Variants in EPHA4 observed in about 807,000 individuals in gnomAD.
The protein encoded by EPHA4 is ephrin type-A receptor 4.
EPHA4 carries 19 observed loss-of-function variants against 108.3 expected under a neutral mutation model. That is an observed-to-expected ratio of 0.18 (90% confidence interval 0.12 to 0.26). EPHA4 has a LOEUF of 0.26. Ranked by LOEUF, EPHA4 falls within the 10% of genes least tolerant of loss-of-function variation. The pLI, the probability that EPHA4 is intolerant of heterozygous loss-of-function variation, is 1.00. For synonymous variants in EPHA4, 449 were observed against 455.5 expected, an observed-to-expected ratio of 0.99 and a Z score of 0.18; for missense variants, 917 against 1,254.0, an observed-to-expected ratio of 0.73 and a Z score of 4.06.
chr2:221,447,815 G>T (rs991021477), intron 8 of EPHA4, among the ~76,000 whole-genome samples: 4 of 92,450 alleles, frequency 4.3e-5, no homozygotes, highest in Non-Finnish European at 9.0e-5. Context: ...TTTTCAAAGG[G>T]TCTATTTTTA....
At chr2:221,549,746 G>C (rs946572011) in intron 3 of EPHA4, among the ~76,000 whole-genome samples, 1 of 152,190 alleles carries the variant, frequency 6.6e-6, no homozygotes, top group Non-Finnish European at 1.5e-5. Context: ...CAGCACTTTG[G>C]GGGGCCCAGG....
rs1170799501 is a variant in EPHA4 at position 221,446,241 on chromosome 2, T to G, written c.1716-60A>C. The G allele has an allele frequency of 1.9e-5, 20 of 1,055,280 alleles. No individual in the cohort carries two copies. The East Asian group carries it at 5.6e-4, about 30-fold the overall frequency. The allele number at this position is 1,055,280 out of a possible 1,614,324, so 65.4% of individuals were successfully genotyped here. A position where few individuals can be genotyped will look rare whatever the true frequency, so the allele number is the denominator to read the frequency against. On this transcript the variant is annotated intron_variant, in intron 8 of 17. Transcript: ENST00000281821. ...CCTCAAACACCTAAGCTTTAACACATGCCATAAGACAAATTCTTTGCTACT... is the reference window on the plus strand; with the variant it reads ...CCTCAAACACCTAAGCTTTAACACAGGCCATAAGACAAATTCTTTGCTACT...
chr2:221,539,330 A>G (rs932101847), intron 3 of EPHA4, among the ~76,000 whole-genome samples: 5 of 152,236 alleles, frequency 3.3e-5, no homozygotes, highest in Admixed American at 3.3e-4. Flanking sequence ...AATAGCTAAT[A>G]AATGGCAGAA....
chr2:221,499,098 A>G (rs918694164), intron 4 of EPHA4, among the ~76,000 whole-genome samples: 2 of 151,348 alleles, frequency 1.3e-5, no homozygotes, highest in South Asian at 2.1e-4. Flanking sequence ...CCTTTTTAAC[A>G]GTTACATCTG....
At chr2:221,547,951 G>A (rs531502754) in intron 3 of EPHA4, among the ~76,000 whole-genome samples, 59 of 152,254 alleles carry the variant, frequency 3.9e-4, no homozygotes, top group African/African-American at 1.3e-3. Context: ...TTTGTGAAAC[G>A]TTAATAATTT....
chr2:221,528,915 T>C (rs4613266), intron 3 of EPHA4, among the ~76,000 whole-genome samples: 85,639 of 152,010 alleles, frequency 0.56, 24,825 homozygotes, highest in African/African-American at 0.7. Context: ...CACAACCAGA[T>C]AAAGATCAAA....
chr2:221,430,116 G>T lies in EPHA4; in HGVS notation c.2532C>A (p.Pro844=), dbSNP rs138589793. 6 of 1,611,334 alleles carry T rather than the reference G, an allele frequency of 3.7e-6. No individual in the cohort carries two copies. Among genetic ancestry groups the T allele is most frequent in the Non-Finnish European group, 5.1e-6 (6 of 1,179,172 alleles). Residue 844 remains proline (P), a synonymous_variant, in exon 15 of 18, where the codon CCC becomes CCA. Transcript: ENST00000281821. ...IKAIEEGYRL[P]PPMDCPIALH... ...GCGCAATGGGGCAGTCCATTGGAGG[G>T]GGTAACCGATAGCCTTCCTCAATGG...
intron 3 of EPHA4, among the ~76,000 whole-genome samples, chr2:221,503,379 A>T (rs1204312938): frequency 6.6e-6 from 1 of 152,142 alleles, no homozygotes; most frequent in Admixed American, 6.6e-5. Flanking sequence ...GGCATATTTG[A>T]AAAGCTATTC....
chr2:221,541,047 G>A (rs1693826053), intron 3 of EPHA4, among the ~76,000 whole-genome samples: 1 of 150,696 alleles, frequency 6.6e-6, no homozygotes, highest in Admixed American at 6.7e-5. Flanking sequence ...CCTGGGTTCA[G>A]GTGAGCCTCC....
intron 3 of EPHA4, among the ~76,000 whole-genome samples, chr2:221,502,758 T>C (rs1448927804): frequency 6.6e-6 from 1 of 152,226 alleles, no homozygotes; most frequent in Non-Finnish European, 1.5e-5. Context: ...TCACTCTTAC[T>C]AACTGAAGTT....
intron 1 of EPHA4, 78 bp from the exon 2 acceptor site, chr2:221,568,863 T>G (rs1288363306): frequency 3.2e-6 from 4 of 1,238,234 alleles, no homozygotes; most frequent in Non-Finnish European, 3.4e-6. Context: ...GCCTGAGCGT[T>G]TCCATATGTG....
At chr2:221,564,482 A>C (rs1431953442) in intron 2 of EPHA4, 88 bp from the exon 3 acceptor site, 1 of 1,351,764 alleles carries the variant, frequency 7.4e-7, no homozygotes, top group African/African-American at 1.5e-5. Context: ...AGGACACCTG[A>C]TTATTTTTCT....
rs6147191 is a variant in EPHA4, at chr2:221,522,735, CTAT to C, written c.824-21566_824-21564del. Among the ~76,000 whole-genome samples, 918 of 148,700 alleles carry C rather than the reference CTAT, an allele frequency of 6.2e-3. 3 individuals carry two copies. Among genetic ancestry groups the C allele is most frequent in the Middle Eastern group, 0.028 (8 of 286 alleles). On this transcript the variant is annotated intron_variant, in intron 3 of 17. Coordinates refer to ENST00000281821, the MANE Select transcript of EPHA4 (RefSeq NM_004438.5). ...CAAAGGCAACAATAAAAATAAAATC[CTAT>C]TATTATTATTATTATTATTATTATT...
At chr2:221,470,544 TC>T (rs1691449022) in intron 5 of EPHA4, among the ~76,000 whole-genome samples, 3 of 146,734 alleles carry the variant, frequency 2.0e-5, no homozygotes, top group Non-Finnish European at 4.5e-5. Context: ...TTAGGGAACC[TC>T]TGCTTTTCCC....
chr2:221,511,937 T>C (rs1373815272), intron 3 of EPHA4, among the ~76,000 whole-genome samples: 1 of 152,196 alleles, frequency 6.6e-6, no homozygotes, highest in East Asian at 1.9e-4. Context: ...ATAAAACAGC[T>C]GAAGGAAACA....
chr2:221,560,422 GA>G (rs549083559), intron 3 of EPHA4, among the ~76,000 whole-genome samples: 3 of 150,198 alleles, frequency 2.0e-5, no homozygotes, highest in East Asian at 1.9e-4. Context: ...TATCGAGGAG[GA>G]AAAAAAAATG....
intron 3 of EPHA4, among the ~76,000 whole-genome samples, chr2:221,548,300 T>G (rs1296545735): frequency 6.6e-6 from 1 of 151,474 alleles, no homozygotes; most frequent in African/African-American, 2.4e-5. Flanking sequence ...AAGGTTGCAG[T>G]GAGCCAAGAT....
At chr2:221,521,681 A>T (rs768506881) in intron 3 of EPHA4, among the ~76,000 whole-genome samples, 1 of 152,166 alleles carries the variant, frequency 6.6e-6, no homozygotes, top group Non-Finnish European at 1.5e-5. Flanking sequence ...AAAAAACAAA[A>T]CAAACAAACA....
intron 3 of EPHA4, among the ~76,000 whole-genome samples, chr2:221,559,158 T>A (rs1466048013): frequency 2.0e-5 from 3 of 152,226 alleles, no homozygotes; most frequent in Non-Finnish European, 4.4e-5. Flanking sequence ...TACCTTTTGT[T>A]GATATGAGTA....
Sources: gnomAD v4.1 joint callset for allele counts (sites outside exome capture counted in the v4.1 genomes callset) on GRCh38, gnomAD v4.1.1 for gene constraint, MANE v1.5 for transcripts, NCBI Gene and HGNC (gene_info 2026-07-23, HGNC 2026-07-21) for gene names.